Variants in NPAT observed in about 807,000 individuals in gnomAD.
NPAT encodes the protein nuclear protein, coactivator of histone transcription, also known as protein NPAT.
A neutral mutation model predicts 130.7 loss-of-function variants in NPAT; 52 were observed. The ratio of observed to expected loss-of-function variants is 0.40; its 90% confidence interval spans 0.32 to 0.50. NPAT has a LOEUF of 0.50. NPAT is among the 20% of genes least tolerant of loss of function. The pLI is 0.68. For synonymous variants in NPAT, 580 were observed against 584.8 expected (o/e 0.99, Z 0.12); for missense variants, 1,687 against 1,662.6 (o/e 1.01, Z -0.26).
intron 1 of NPAT, among the ~76,000 whole-genome samples, chr11:108,206,726 A>G (rs1157538699): frequency 2.0e-5 from 3 of 152,186 alleles, no homozygotes; most frequent in African/African-American, 7.2e-5. Context: ...CAGATCTTTC[A>G]GTCCCGCCTT....
rs1342655741 is a variant in NPAT at position 108,160,932 on chromosome 11, G to A, written c.4154C>T (p.Ser1385Phe). ...TGATGAATTTGTAAGATTTTTACTA[G>A]AAGGACGAGAGTTTCGCTCACGTTC... ...LDERERNSRP[S>F]SKNLTNSSIP... Residue 1385 changes from serine to phenylalanine, a missense_variant, in exon 17 of 18, where the codon TCT becomes TTT. This residue lies in a region of NPAT where 1,379 missense variants were observed against 1,346.6 expected (regional missense o/e 1.02). Transcript: ENST00000278612. The A allele has an allele frequency of 1.2e-6, 2 of 1,613,882 alleles. No individual in the cohort carries two copies. Among genetic ancestry groups the A allele is most frequent in the African/African-American group, 1.3e-5 (1 of 74,862 alleles).
chr11:108,173,877 G>C, intron 12 of NPAT, 26 bp from the exon 13 acceptor site: 1 of 1,596,296 alleles, frequency 6.3e-7, no homozygotes, highest in Non-Finnish European at 8.6e-7. Context: ...CAGGTAGACA[G>C]ATATGGTAAA....
Position 108,161,177 on chromosome 11 carries a change from T to C in NPAT, c.3909A>G (p.Lys1303=). ...CTGGGGTGACAGGAGGGACCATTACTTTTGATGTACTACTGTCTTCACTGA... is the reference window on the plus strand; with the variant it reads ...CTGGGGTGACAGGAGGGACCATTACCTTTGATGTACTACTGTCTTCACTGA... ...RRFSEDSSTS[K]VMVPPVTPDL... is the part of the protein sequence containing the mutation. Residue 1303 remains lysine (K), a synonymous_variant, in exon 17 of 18, where the codon AAA becomes AAG. Transcript: ENST00000278612. The C allele has an allele frequency of 6.2e-7, 1 of 1,614,162 alleles. No individual in the cohort carries two copies. Among genetic ancestry groups the C allele is most frequent in the East Asian group, 2.2e-5 (1 of 44,888 alleles).
At position 108,221,093 on chromosome 11, in the gene NPAT, TGCTTTCTTAGG is replaced by T. The variant is rs529630718; in HGVS notation, c.37+1396_37+1406del. On this transcript the variant is annotated intron_variant, in intron 1 of 17. Coordinates refer to ENST00000278612, the MANE Select transcript of NPAT (RefSeq NM_002519.3). ...AATTATTTCAATTAGAAAATGATAC[TGCTTTCTTAGG>T]GCTTTCTTAACTAGGGGTGATTCTG... Among the ~76,000 whole-genome samples, 22 of 152,334 alleles carry T rather than the reference TGCTTTCTTAGG, an allele frequency of 1.4e-4. No individual in the cohort carries two copies. In the South Asian group the frequency reaches 3.3e-3, roughly 23 times the overall value.
intron 2 of NPAT, among the ~76,000 whole-genome samples, chr11:108,195,841 G>T (rs1195896035): frequency 6.6e-6 from 1 of 152,136 alleles, no homozygotes; most frequent in Non-Finnish European, 1.5e-5. Context: ...TGCCCAGGCT[G>T]GTACAGAACT....
intron 1 of NPAT, among the ~76,000 whole-genome samples, chr11:108,208,860 T>C (rs1198065827): frequency 6.6e-6 from 1 of 152,204 alleles, no homozygotes; most frequent in Non-Finnish European, 1.5e-5. Context: ...CACATTTTTC[T>C]CAAGTGTACA....
chr11:108,186,359 A>G (rs1263613666), intron 8 of NPAT, 123 bp downstream of exon 8: 9 of 739,524 alleles, frequency 1.2e-5, no homozygotes, highest in African/African-American at 3.5e-5. Flanking sequence ...GTATTTACAG[A>G]TATCTATAAA....
rs140802741 is a variant in NPAT, at chr11:108,162,412, T to C, written c.3011-232A>G. ...CCAGATATGGAATAAATGACATGCA[T>C]CAACTTCAGGCAAATATTATGTTTG... is the stretch of plus-strand genomic sequence containing the variant. On this transcript the variant is annotated intron_variant, in intron 15 of 17. Transcript: ENST00000278612. 2.9e-3 allele frequency among the ~76,000 whole-genome samples: 448 copies of C among 152,258 alleles called. 2 individuals carry two copies. In the Middle Eastern group the frequency reaches 0.048, roughly 16 times the overall value.
Position 108,161,446 on chromosome 11 carries a change from A to G in NPAT, c.3640T>C (p.Ser1214Pro). 6.2e-7 allele frequency: 1 copy of G among 1,614,156 alleles called. No individual in the cohort carries two copies. Residue 1214 changes from serine (S) to proline (P), a missense_variant, in exon 17 of 18, where the codon TCT (serine) becomes CCT (proline). By Grantham distance (74) the Ser-to-Pro change is moderately conservative. Transcript: ENST00000278612. ...LQEMTKKQGTSSNNKNVLSVG... is the reference protein window; with the variant it reads ...LQEMTKKQGTPSNNKNVLSVG... ...GAAAGTACATTTTTATTGTTTGAAG[A>G]TGTGCCTTGTTTTTTGGTCATTTCT...
intron 1 of NPAT, among the ~76,000 whole-genome samples, chr11:108,219,400 G>C (rs1202036848): frequency 6.6e-6 from 1 of 152,102 alleles, no homozygotes; most frequent in Non-Finnish European, 1.5e-5. Context: ...GTAAGCTGCT[G>C]GGCGTCTTAG....
At chr11:108,213,323 C>T (rs1340542642) in intron 1 of NPAT, among the ~76,000 whole-genome samples, 3 of 151,998 alleles carry the variant, frequency 2.0e-5, no homozygotes, top group Non-Finnish European at 4.4e-5. Flanking sequence ...TAAATGACTT[C>T]GACAAGGTTG....
rs777803099 is a variant in NPAT at position 108,170,053 on chromosome 11, C to T, written c.2786-10G>A. On this transcript the variant is annotated splice_polypyrimidine_tract_variant and intron_variant, in intron 13 of 17. Transcript: ENST00000278612. Reference sequence around the variant, plus strand: ...ATTATTATGGCAGATCCTAAAAAAACAATTCTTGTTAAAAAAAGATTTTCT... The same window carrying T: ...ATTATTATGGCAGATCCTAAAAAAATAATTCTTGTTAAAAAAAGATTTTCT... The T allele has an allele frequency of 4.4e-5, 68 of 1,557,784 alleles. No homozygotes were observed. In the Admixed American group the frequency reaches 5.0e-4, roughly 11 times the overall value.
rs1163136843 is a variant in NPAT, at chr11:108,169,743, C to G, written c.3010+1G>C. The G allele has an allele frequency of 1.9e-6, 3 of 1,582,684 alleles. No homozygotes were observed. On this transcript the variant is annotated splice_donor_variant, in intron 15 of 17. Coordinates refer to ENST00000278612, the MANE Select transcript of NPAT (RefSeq NM_002519.3). LOFTEE classifies it high-confidence loss of function. ...AACATTAATGAAATTAAAAATGGTA[C>G]CTATACAAGGCTTGTTTCTTAGTCC...
chr11:108,190,315 A>AC, intron 5 of NPAT, 145 bp downstream of exon 5: 5 of 38,928 alleles, frequency 1.3e-4, no homozygotes, highest in Non-Finnish European at 1.9e-4. Flanking sequence ...ACTGTCTCAA[A>AC]AAAAAAAAAA....
At chr11:108,195,693 T>C (rs1171246556) in intron 2 of NPAT, among the ~76,000 whole-genome samples, 3 of 152,192 alleles carry the variant, frequency 2.0e-5, no homozygotes, top group Non-Finnish European at 4.4e-5. Context: ...AGCCGTGCAG[T>C]TGTGGCTCAC....
chr11:108,190,185 C>T (rs1258133103), intron 5 of NPAT, among the ~76,000 whole-genome samples: 3 of 151,376 alleles, frequency 2.0e-5, no homozygotes, highest in Non-Finnish European at 4.4e-5. Context: ...TGGTGGCACA[C>T]GCCTGTAGTC....
chr11:108,198,746 T>C (rs999209145), intron 1 of NPAT, among the ~76,000 whole-genome samples: 1 of 152,178 alleles, frequency 6.6e-6, no homozygotes, highest in African/African-American at 2.4e-5. Context: ...CAACCACACA[T>C]GGGGACTACC....
intron 3 of NPAT, among the ~76,000 whole-genome samples, chr11:108,193,238 C>A (rs2078188081): frequency 6.6e-6 from 1 of 152,174 alleles, no homozygotes; most frequent in Admixed American, 6.5e-5. Flanking sequence ...TGACTGGCTT[C>A]TGTGTTCAGA....
intron 1 of NPAT, among the ~76,000 whole-genome samples, chr11:108,201,479 C>G (rs2078274923): frequency 6.6e-6 from 1 of 152,174 alleles, no homozygotes; most frequent in African/African-American, 2.4e-5. Context: ...GGAAGACATT[C>G]AATCTTTATG....
Sources: gnomAD v4.1 joint callset for allele counts (sites outside exome capture counted in the v4.1 genomes callset) on GRCh38, gnomAD v4.1.1 for gene constraint, gnomAD v4.1.1 regional missense constraint, MANE v1.5 for transcripts, NCBI Gene and HGNC (gene_info 2026-07-23, HGNC 2026-07-21) for gene names.